ARID1B: variants seen among roughly 807,000 people sequenced by gnomAD.
ARID1B encodes AT-rich interactive domain-containing protein 1B.
Under a neutral mutation model 212.3 loss-of-function variants are expected in ARID1B, and 30 were observed. The ratio of observed to expected loss-of-function variants is 0.14; its 90% CI spans 0.11 to 0.19. The LOEUF (loss-of-function observed/expected upper bound fraction) is 0.19, where lower values mean the gene tolerates loss of function less well. ARID1B is among the 10% of genes least tolerant of loss of function. The pLI, the probability that ARID1B is intolerant of heterozygous loss-of-function variation, is 1.00. For missense variants in ARID1B, 2,891 were observed against 3,204.0 expected (o/e 0.90, Z 2.36); for synonymous variants, 1,402 against 1,301.7 (o/e 1.08, Z -1.66).
intron 4 of ARID1B, among the ~76,000 whole-genome samples, chr6:156,986,132 C>T (rs2128391399): frequency 6.6e-6 from 1 of 152,254 alleles, no homozygotes; most frequent in South Asian, 2.1e-4. Flanking sequence ...CTAGCTCTTC[C>T]TTTTGGAGTT....
At chr6:157,028,328 TAAG>T (rs911520255) in intron 4 of ARID1B, among the ~76,000 whole-genome samples, 5 of 152,178 alleles carry the variant, frequency 3.3e-5, no homozygotes, top group Non-Finnish European at 5.9e-5. Flanking sequence ...TAGAAAGTGT[TAAG>T]AAGAAATAGT....
intron 3 of ARID1B, among the ~76,000 whole-genome samples, chr6:156,917,438 G>A (rs1167143599): frequency 2.6e-5 from 4 of 152,118 alleles, no homozygotes; most frequent in East Asian, 1.9e-4. Context: ...GAGGGTTGAC[G>A]GTGCCGTGGG....
chr6:156,877,302 C>T (rs117806498), intron 2 of ARID1B, among the ~76,000 whole-genome samples: 4 of 152,288 alleles, frequency 2.6e-5, no homozygotes, highest in Non-Finnish European at 5.9e-5. Context: ...CCCTATTGCT[C>T]TCAGCTCTCC....
chr6:156,944,698 C>T (rs1230862144), intron 4 of ARID1B, among the ~76,000 whole-genome samples: 1 of 152,174 alleles, frequency 6.6e-6, no homozygotes, highest in Non-Finnish European at 1.5e-5. Flanking sequence ...GGGCATGTAT[C>T]TGAGGCCTCC....
chr6:157,061,471 C>T (rs1372889003), intron 4 of ARID1B, among the ~76,000 whole-genome samples: 1 of 151,984 alleles, frequency 6.6e-6, no homozygotes, highest in African/African-American at 2.4e-5. Flanking sequence ...GTGAGGTCAC[C>T]TGCTTGACAT....
At chr6:156,965,033 TAG>T (rs1322495248) in intron 4 of ARID1B, among the ~76,000 whole-genome samples, 2 of 152,244 alleles carry the variant, frequency 1.3e-5, no homozygotes, top group African/African-American at 2.4e-5. Flanking sequence ...GAATATTTCA[TAG>T]AGTTACTTTG....
In ARID1B at chr6:157,203,038, T is replaced by C. The variant is rs779612278; in HGVS notation, c.5264-828T>C. Among the ~76,000 whole-genome samples the C allele has an allele frequency of 1.3e-5, 2 of 152,222 alleles. No individual in the cohort carries two copies. Among genetic ancestry groups the C allele is most frequent in the African/African-American group, 2.4e-5 (1 of 41,456 alleles). On this transcript the variant is annotated intron_variant, in intron 18 of 19. Coordinates refer to ENST00000636930, the MANE Select transcript of ARID1B (RefSeq NM_001374828.1). This position sits in a 1 kb window ranked among gnomAD's most constrained non-coding sequence, Gnocchi z 4.4. Reference sequence around the variant, plus strand: ...TGATTTTTTTATTGTAAAAACAGTATGTAGCTATCTTAGAAAATTTTAAAA... The same window carrying C: ...TGATTTTTTTATTGTAAAAACAGTACGTAGCTATCTTAGAAAATTTTAAAA...
At chr6:156,843,603 G>A (rs984324939) in intron 2 of ARID1B, among the ~76,000 whole-genome samples, 1 of 151,964 alleles carries the variant, frequency 6.6e-6, no homozygotes, top group African/African-American at 2.4e-5. Flanking sequence ...ATGTAGGGGG[G>A]GTGTTAGGCT....
At chr6:156,811,637 G>A (rs1201808901) in intron 1 of ARID1B, among the ~76,000 whole-genome samples, 1 of 152,140 alleles carries the variant, frequency 6.6e-6, no homozygotes, top group East Asian at 1.9e-4. Flanking sequence ...AAGAGCCTGT[G>A]CATGCCTGTA....
At chr6:156,869,221 C>A (rs1184215279) in intron 2 of ARID1B, among the ~76,000 whole-genome samples, 1 of 152,148 alleles carries the variant, frequency 6.6e-6, no homozygotes, top group Non-Finnish European at 1.5e-5. Context: ...AGATTTAATA[C>A]TTTTAGCTGT....
At chr6:156,808,927 GTTTGT>G (rs1347714802) in intron 1 of ARID1B, among the ~76,000 whole-genome samples, 1 of 152,164 alleles carries the variant, frequency 6.6e-6, no homozygotes, top group African/African-American at 2.4e-5. Context: ...GTACACACGA[GTTTGT>G]TTTATCTGTG....
At position 157,200,476 on chromosome 6, in the gene ARID1B, T is replaced by G. The variant is rs1182425552; in HGVS notation, c.4480-229T>G. ...GAGGCTTTTTTTTTTCCACAGGAAGTTTCAAACACGTGAAAACAAACTTTG... is the reference window on the plus strand; with the variant it reads ...GAGGCTTTTTTTTTTCCACAGGAAGGTTCAAACACGTGAAAACAAACTTTG... On this transcript the variant is annotated intron_variant, in intron 17 of 19. Coordinates refer to ENST00000636930, the MANE Select transcript of ARID1B (RefSeq NM_001374828.1). This position sits in a 1 kb window ranked among gnomAD's most constrained non-coding sequence, Gnocchi z 4.3. Among the ~76,000 whole-genome samples, 3 of 151,396 alleles carry G rather than the reference T, an allele frequency of 2.0e-5. No individual in the cohort carries two copies. Among genetic ancestry groups the G allele is most frequent in the Non-Finnish European group, 2.9e-5 (2 of 67,812 alleles).
chr6:156,906,970 T>TTG (rs951866117), intron 3 of ARID1B, among the ~76,000 whole-genome samples: 4 of 152,192 alleles, frequency 2.6e-5, no homozygotes, highest in East Asian at 1.9e-4. Context: ...TATATTAACT[T>TTG]TGTGTGTGTG....
At chr6:156,804,909 T>A (rs958078204) in intron 1 of ARID1B, among the ~76,000 whole-genome samples, 7 of 149,966 alleles carry the variant, frequency 4.7e-5, no homozygotes, top group African/African-American at 1.7e-4. Flanking sequence ...CCTTTTTGTG[T>A]CTTAATGTTC....
intron 4 of ARID1B, among the ~76,000 whole-genome samples, chr6:157,034,140 T>C (rs1781178604): frequency 1.3e-5 from 2 of 152,254 alleles, no homozygotes; most frequent in African/African-American, 4.8e-5. Context: ...AATAATCTTA[T>C]CTTTTCATTT....
chr6:157,106,822 C>A (rs1786517842), intron 5 of ARID1B, among the ~76,000 whole-genome samples: 1 of 152,088 alleles, frequency 6.6e-6, no homozygotes, highest in African/African-American at 2.4e-5. Flanking sequence ...AAATAAAAAA[C>A]CAAGTGAGGA....
intron 2 of ARID1B, among the ~76,000 whole-genome samples, chr6:156,851,030 G>T (rs1470721161): frequency 6.6e-6 from 1 of 152,202 alleles, no homozygotes; most frequent in Non-Finnish European, 1.5e-5. Flanking sequence ...GCATTGGGCA[G>T]TGTTTTTGAA....
chr6:156,964,602 G>T (rs1267702800), intron 4 of ARID1B, among the ~76,000 whole-genome samples: 2 of 152,172 alleles, frequency 1.3e-5, no homozygotes, highest in African/African-American at 4.8e-5. Context: ...TGTTATGTAT[G>T]TGTATAAAAG....
intron 2 of ARID1B, among the ~76,000 whole-genome samples, chr6:156,872,384 C>T (rs375665848): frequency 6.6e-6 from 1 of 152,116 alleles, no homozygotes; most frequent in Non-Finnish European, 1.5e-5. Context: ...TGCAATGGTG[C>T]GATCTTGGCT....
Sources: gnomAD v4.1 joint callset for allele counts (sites outside exome capture counted in the v4.1 genomes callset) on GRCh38, gnomAD v4.1.1 for gene constraint, Gnocchi (gnomAD v3.1) non-coding constraint, MANE v1.5 for transcripts, NCBI Gene and HGNC (gene_info 2026-07-23, HGNC 2026-07-21) for gene names.